HAPLN2: variants seen among roughly 807,000 people sequenced by gnomAD.
HAPLN2 encodes the protein brain link protein-1.
A neutral mutation model predicts 29.3 loss-of-function variants in HAPLN2; 27 were observed. The ratio of observed to expected loss-of-function variants is 0.92; its 90% CI spans 0.68 to 1.27. The LOEUF (loss-of-function observed/expected upper bound fraction) is 1.27. Among genes scored for constraint, HAPLN2 ranks in the 50% most tolerant of loss-of-function variants. The pLI is 0.00. For synonymous variants in HAPLN2, 208 were observed against 211.7 expected, an observed-to-expected ratio of 0.98 and a Z score of 0.15; for missense variants, 454 against 484.3, an observed-to-expected ratio of 0.94 and a Z score of 0.59.
At chr1:156,621,923 T>C (rs1678240896) in intron 2 of HAPLN2, among the ~76,000 whole-genome samples, 1 of 150,594 alleles carries the variant, frequency 6.6e-6, no homozygotes. Context: ...GCCACTGTGC[T>C]CCAGCCTGGG....
upstream of HAPLN2, among the ~76,000 whole-genome samples, chr1:156,615,572 CT>C (rs770223466): frequency 0.026 from 2,120 of 81,700 alleles, 18 homozygotes; most frequent in Non-Finnish European, 0.036. Flanking sequence ...CTCTCTCTCT[CT>C]TTTTTTTTTT....
upstream of HAPLN2, chr1:156,619,181 C>T (rs1486195081): frequency 1.3e-5 from 2 of 152,136 alleles, no homozygotes; most frequent in Non-Finnish European, 2.9e-5. Context: ...ACCCTATTCT[C>T]TTCTTCTTGG....
At chr1:156,610,555 G>A in the HAPLN2 span, among the ~76,000 whole-genome samples, 3 of 151,658 alleles carry the variant, frequency 2.0e-5, no homozygotes, top group African/African-American at 7.3e-5. Flanking sequence ...CAGGAGAATC[G>A]CTTGAACCAG....
At chr1:156,604,520 C>T in the HAPLN2 span, among the ~76,000 whole-genome samples, 1 of 152,154 alleles carries the variant, frequency 6.6e-6, no homozygotes, top group Admixed American at 6.5e-5. Flanking sequence ...GATCTCTTGA[C>T]CTCATGATCT....
intron 6 of HAPLN2, 126 bp downstream of exon 6, chr1:156,624,909 G>GGGGGGGCCCC: frequency 1.0e-6 from 1 of 999,514 alleles, no homozygotes; most frequent in Non-Finnish European, 1.4e-6. Context: ...CCCCCCATCA[G>GGGGGGGCCCC]CCCGCCCGCC....
At chr1:156,604,880 T>G in the HAPLN2 span, among the ~76,000 whole-genome samples, 1 of 150,242 alleles carries the variant, frequency 6.7e-6, no homozygotes, top group South Asian at 2.1e-4. Flanking sequence ...CAAATTGATC[T>G]ATAAATTCAA....
rs946529216 is a variant in HAPLN2, at chr1:156,623,640, G to T, written c.85+65G>T. On this transcript the variant is annotated intron_variant, in intron 3 of 6. Coordinates refer to ENST00000255039, the MANE Select transcript of HAPLN2 (RefSeq NM_021817.3). ...GGGAGACTGCAAGGGTGGGGAAAGG[G>T]GAAAGGGCAGTTGTTGCAGGTACCC... 1.2e-5 allele frequency: 19 copies of T among 1,598,708 alleles called. No individual in the cohort carries two copies. The Admixed American group carries it at 3.3e-4, about 28-fold the overall frequency.
chr1:156,625,297 G>A lies in HAPLN2; in HGVS notation c.936G>A (p.Gly312=), dbSNP rs1678413543. The change falls in exon 7 of 7, where the codon GGG becomes GGA. Residue 312 remains glycine, a synonymous_variant. Coordinates refer to ENST00000255039, the MANE Select transcript of HAPLN2 (RefSeq NM_021817.3). The surrounding 1 kb of genome is among the most constrained non-coding windows in gnomAD (Gnocchi z 5.7). ...TCACCACGCCGAGGCCGCGCTGCGG[G>A]GGGCTCCCGGATCCCGGAGTGCGCA... is the stretch of plus-strand genomic sequence containing the variant. ...FPITTPRPRC[G]GLPDPGVRSF... is the part of the protein sequence containing the mutation. 5 of 1,580,804 alleles carry A rather than the reference G, an allele frequency of 3.2e-6. No homozygotes were observed. The highest frequency in any genetic ancestry group is 1.8e-5 in the Admixed American group (1 of 55,940).
At chr1:156,622,509 TG>T (rs1006764727) in intron 2 of HAPLN2, among the ~76,000 whole-genome samples, 4 of 150,324 alleles carry the variant, frequency 2.7e-5, no homozygotes, top group African/African-American at 4.9e-5. Context: ...TGTGGCAAAC[TG>T]GGGGTGGGTA....
the HAPLN2 span, among the ~76,000 whole-genome samples, chr1:156,604,971 A>G: frequency 6.6e-6 from 1 of 152,078 alleles, no homozygotes; most frequent in East Asian, 1.9e-4. Context: ...GTCATATAGA[A>G]ATGCAAAGGA....
rs1294586613 is a variant in HAPLN2, at chr1:156,625,114, C to T, written c.753C>T (p.Phe251=). ...FTSALAGQVF[F]VPGRLTLSEA... is the part of the protein sequence containing the mutation. ...TGTGGTCCCCAGGCCAAGTGTTCTT[C>T]GTGCCCGGGCGGCTGACGCTGTCTG... Residue 251 remains phenylalanine, a synonymous_variant, in exon 7 of 7, where the codon TTC becomes TTT. Coordinates refer to ENST00000255039, the MANE Select transcript of HAPLN2 (RefSeq NM_021817.3). The surrounding 1 kb of genome is among the most constrained non-coding windows in gnomAD (Gnocchi z 5.7). 3.9e-6 allele frequency: 6 copies of T among 1,538,726 alleles called. No homozygotes were observed. The highest frequency in any genetic ancestry group is 1.7e-6 in the Non-Finnish European group (2 of 1,146,578).
the HAPLN2 span, among the ~76,000 whole-genome samples, chr1:156,609,050 A>G: frequency 6.6e-6 from 1 of 152,210 alleles, no homozygotes; most frequent in Non-Finnish European, 1.5e-5. Flanking sequence ...TCTCCCTTCG[A>G]ACAAGAGCTT....
chr1:156,609,258 C>G, the HAPLN2 span, among the ~76,000 whole-genome samples: 1 of 152,216 alleles, frequency 6.6e-6, no homozygotes, highest in Non-Finnish European at 1.5e-5. Context: ...GGGGATACAG[C>G]CTTCCTGCCC....
chr1:156,603,309 G>A, the HAPLN2 span, among the ~76,000 whole-genome samples: 1 of 151,284 alleles, frequency 6.6e-6, no homozygotes, highest in Non-Finnish European at 1.5e-5. Context: ...AGCCTCCCAA[G>A]TAGCTGGGAG....
chr1:156,604,068 G>GA, the HAPLN2 span, among the ~76,000 whole-genome samples: 5 of 152,072 alleles, frequency 3.3e-5, no homozygotes, highest in Non-Finnish European at 7.3e-5. Flanking sequence ...CACAAGGGTA[G>GA]AAACAAAGGC....
chr1:156,607,142 T>A, the HAPLN2 span, among the ~76,000 whole-genome samples: 1 of 152,218 alleles, frequency 6.6e-6, no homozygotes, highest in African/African-American at 2.4e-5. Flanking sequence ...TCGAATAATT[T>A]TTTTCTTTAA....
chr1:156,609,766 G>A, the HAPLN2 span, among the ~76,000 whole-genome samples: 2 of 152,062 alleles, frequency 1.3e-5, no homozygotes, highest in Non-Finnish European at 2.9e-5. Flanking sequence ...CTTGAGGGAG[G>A]AGGGTGGGAG....
chr1:156,619,612 G>C (rs970979263), intron 1 of HAPLN2, 77 bp downstream of exon 1: 1 of 152,286 alleles, frequency 6.6e-6, no homozygotes, highest in African/African-American at 2.4e-5. Flanking sequence ...GAGGCAGCTC[G>C]AGCTTGGCAG....
intron 2 of HAPLN2, among the ~76,000 whole-genome samples, chr1:156,621,504 G>A (rs1235235229): frequency 2.0e-5 from 3 of 151,742 alleles, no homozygotes; most frequent in Non-Finnish European, 2.9e-5. Flanking sequence ...GGAGGCCAAG[G>A]AGCGTGGATC....
Sources: allele counts gnomAD v4.1 joint callset (sites outside exome capture counted in the v4.1 genomes callset), GRCh38; gene constraint gnomAD v4.1.1; non-coding constraint Gnocchi (gnomAD v3.1); transcripts MANE v1.5; gene names NCBI Gene and HGNC (gene_info 2026-07-23, HGNC 2026-07-21).